The following PTPRD variants were observed in gnomAD, a reference collection of about 807,000 sequenced individuals.
PTPRD encodes the protein receptor-type tyrosine-protein phosphatase delta.
In PTPRD, 34 loss-of-function variants were observed where a neutral mutation model predicts 214.5. The ratio of observed to expected loss-of-function variants is 0.16; its 90% CI spans 0.12 to 0.21. PTPRD has a LOEUF of 0.21. Ranked by LOEUF, PTPRD falls within the 10% of genes least tolerant of loss-of-function variation. The pLI is 1.00. For missense variants in PTPRD, 2,545 were observed against 2,398.7 expected (o/e 1.06, Z -1.27); for synonymous variants, 1,128 against 845.7 (o/e 1.33, Z -5.79).
intron 2 of PTPRD, among the ~76,000 whole-genome samples, chr9:10,574,786 C>T (rs200369718): frequency 7.9e-6 from 1 of 126,038 alleles, no homozygotes; most frequent in Non-Finnish European, 1.7e-5. Flanking sequence ...TATATATATA[C>T]ACACACATCA....
chr9:8,882,188 G>A (rs1218177562), intron 11 of PTPRD, among the ~76,000 whole-genome samples: 3 of 152,058 alleles, frequency 2.0e-5, no homozygotes, highest in South Asian at 2.1e-4. Flanking sequence ...AAATACTGTC[G>A]ACTCATTGAC....
intron 2 of PTPRD, among the ~76,000 whole-genome samples, chr9:10,561,967 TCTTA>T (rs2064096075): frequency 6.6e-6 from 1 of 152,168 alleles, no homozygotes; most frequent in African/African-American, 2.4e-5. Context: ...GTATTACTGC[TCTTA>T]TTTATTTTTG....
intron 8 of PTPRD, among the ~76,000 whole-genome samples, chr9:9,505,951 T>G (rs996662601): frequency 6.6e-6 from 1 of 151,156 alleles, no homozygotes; most frequent in African/African-American, 2.4e-5. Flanking sequence ...CATCCCTAAG[T>G]AGGCAGAAAA....
intron 2 of PTPRD, among the ~76,000 whole-genome samples, chr9:10,563,049 C>A (rs1383025998): frequency 6.6e-6 from 1 of 152,168 alleles, no homozygotes; most frequent in Non-Finnish European, 1.5e-5. Flanking sequence ...TAGACATAAT[C>A]TGTGGGAATG....
At chr9:10,254,828 G>A (rs1361302433) in intron 3 of PTPRD, among the ~76,000 whole-genome samples, 3 of 152,258 alleles carry the variant, frequency 2.0e-5, no homozygotes, top group East Asian at 1.9e-4. Flanking sequence ...ACTCTGGCGG[G>A]TGCCTGTCTC....
chr9:8,600,060 C>A (rs2094743582), intron 14 of PTPRD, among the ~76,000 whole-genome samples: 1 of 152,340 alleles, frequency 6.6e-6, no homozygotes, highest in South Asian at 2.1e-4. Flanking sequence ...CATCCCCTGG[C>A]TGCAGCCTGG....
At chr9:8,332,779 G>A (rs1842751296) in intron 43 of PTPRD, among the ~76,000 whole-genome samples, 1 of 152,082 alleles carries the variant, frequency 6.6e-6, no homozygotes, top group African/African-American at 2.4e-5. Context: ...CTCATCAGCA[G>A]AGAGAAATAA....
chr9:10,594,470 G>A (rs186673871), intron 2 of PTPRD, among the ~76,000 whole-genome samples: 100 of 152,082 alleles, frequency 6.6e-4, no homozygotes, highest in African/African-American at 2.4e-3. Context: ...ATAAAGTGAT[G>A]CTATTTATAC....
intron 3 of PTPRD, among the ~76,000 whole-genome samples, chr9:10,164,705 G>T (rs2099148577): frequency 6.6e-6 from 1 of 151,488 alleles, no homozygotes; most frequent in African/African-American, 2.4e-5. Flanking sequence ...TCAAATAGAA[G>T]TACACAAAAG....
At chr9:8,528,814 A>C (rs772368301) in intron 14 of PTPRD, 35 bp from the exon 15 acceptor site, 2 of 1,595,984 alleles carry the variant, frequency 1.3e-6, no homozygotes, top group African/African-American at 2.7e-5. Context: ...CATTCAGTTA[A>C]TAAGTCAGAT....
At chr9:9,373,995 C>T (rs1282747208) in intron 9 of PTPRD, among the ~76,000 whole-genome samples, 1 of 151,724 alleles carries the variant, frequency 6.6e-6, no homozygotes, top group Non-Finnish European at 1.5e-5. Context: ...TTTCATAATA[C>T]AGGCATTTTA....
intron 22 of PTPRD, among the ~76,000 whole-genome samples, chr9:8,504,755 T>C (rs879384890): frequency 1.3e-5 from 2 of 152,246 alleles, no homozygotes; most frequent in East Asian, 1.9e-4. Context: ...CAGATCACAA[T>C]AGAAAATGAC....
At chr9:10,413,367 G>A (rs1306059329) in intron 2 of PTPRD, among the ~76,000 whole-genome samples, 1 of 151,728 alleles carries the variant, frequency 6.6e-6, no homozygotes, top group Non-Finnish European at 1.5e-5. Flanking sequence ...CAATTGCCAT[G>A]TAAATAACAA....
chr9:8,764,799 A>AATAATAATG (rs2094607086), intron 11 of PTPRD, among the ~76,000 whole-genome samples: 1 of 112,396 alleles, frequency 8.9e-6, no homozygotes, highest in Non-Finnish European at 2.0e-5. Flanking sequence ...TCAAAATAAT[A>AATAATAATG]ATAATAATGA....
intron 11 of PTPRD, among the ~76,000 whole-genome samples, chr9:8,839,756 G>C (rs2097522752): frequency 6.6e-6 from 1 of 152,152 alleles, no homozygotes; most frequent in Admixed American, 6.5e-5. Flanking sequence ...TCAAAGCTTT[G>C]TATTGATAAC....
chr9:8,715,468 A>T (rs1213427943), intron 12 of PTPRD, among the ~76,000 whole-genome samples: 1 of 152,218 alleles, frequency 6.6e-6, no homozygotes, highest in African/African-American at 2.4e-5. Flanking sequence ...AAGCTGCATA[A>T]AATTAAAAAA....
At chr9:9,538,158 T>G (rs1222656717) in intron 8 of PTPRD, among the ~76,000 whole-genome samples, 1 of 151,932 alleles carries the variant, frequency 6.6e-6, no homozygotes, top group African/African-American at 2.4e-5. Flanking sequence ...CAGTGGTGTT[T>G]CAAATCACTA....
At chr9:8,447,707 C>T (rs897938670) in intron 34 of PTPRD, among the ~76,000 whole-genome samples, 3 of 152,174 alleles carry the variant, frequency 2.0e-5, no homozygotes, top group African/African-American at 7.2e-5. Context: ...AGCACTCTCA[C>T]TGGCTCCCTT....
chr9:8,880,912 T>C (rs1171903021), intron 11 of PTPRD, among the ~76,000 whole-genome samples: 2 of 152,072 alleles, frequency 1.3e-5, no homozygotes, highest in South Asian at 4.1e-4. Context: ...CACACTACCA[T>C]GCCCGGCTTA....
Sources: gnomAD v4.1 joint callset for allele counts (sites outside exome capture counted in the v4.1 genomes callset) on GRCh38, gnomAD v4.1.1 for gene constraint, MANE v1.5 for transcripts, NCBI Gene and HGNC (gene_info 2026-07-23, HGNC 2026-07-21) for gene names.